MSH3: variants seen among roughly 807,000 people sequenced by gnomAD.
The protein encoded by MSH3 is DNA mismatch repair protein Msh3.
MSH3 carries 106 observed loss-of-function variants against 123.3 expected under a neutral mutation model. The observed-to-expected ratio is 0.86, with a 90% confidence interval of 0.73 to 1.01. The LOEUF is 1.01. Among genes scored for constraint, MSH3 ranks in the 50% least tolerant of loss-of-function variants. The pLI, the probability that MSH3 is intolerant of heterozygous loss-of-function variation, is 0.00. For synonymous variants in MSH3, 515 were observed against 481.4 expected (o/e 1.07, Z -0.91); for missense variants, 1,459 against 1,347.6 (o/e 1.08, Z -1.29).
chr5:80,865,245 A>G (rs753431107), intron 22 of MSH3, among the ~76,000 whole-genome samples: 1 of 152,054 alleles, frequency 6.6e-6, no homozygotes, highest in South Asian at 2.1e-4. Flanking sequence ...AGTGCCTTGT[A>G]CTCTTACATG....
intron 12 of MSH3, among the ~76,000 whole-genome samples, chr5:80,749,196 G>A (rs1446717324): frequency 6.6e-6 from 1 of 152,134 alleles, no homozygotes; most frequent in Non-Finnish European, 1.5e-5. Context: ...CACGCTGAGG[G>A]GCAAGGAAGC....
chr5:80,672,677 C>T lies in MSH3; in HGVS notation c.910-64C>T, dbSNP rs1677655. On this transcript the variant is annotated intron_variant, in intron 5 of 23. Coordinates refer to ENST00000265081, the MANE Select transcript of MSH3 (RefSeq NM_002439.5). ...TTTCAGAATTGACGTTTAAACATTTCGAAATGAGTTTTTACAAGTCATTTT... is the reference window on the plus strand; with the variant it reads ...TTTCAGAATTGACGTTTAAACATTTTGAAATGAGTTTTTACAAGTCATTTT... The T allele has an allele frequency of 0.25, 324,939 of 1,275,654 alleles. 43,504 individuals carry two copies. Among genetic ancestry groups the T allele is most frequent in the Middle Eastern group, 0.41 (2,225 of 5,384 alleles). The allele number at this position is 1,275,654 out of a possible 1,614,324, so 79.0% of individuals were successfully genotyped here.
intron 7 of MSH3, among the ~76,000 whole-genome samples, chr5:80,677,913 T>G (rs2112818252): frequency 6.6e-6 from 1 of 152,358 alleles, no homozygotes; most frequent in East Asian, 1.9e-4. Context: ...CTTTCTAGTT[T>G]ACAGTTGTAC....
At chr5:80,723,455 G>A (rs1751130683) in intron 8 of MSH3, among the ~76,000 whole-genome samples, 1 of 152,168 alleles carries the variant, frequency 6.6e-6, no homozygotes, top group African/African-American at 2.4e-5. Flanking sequence ...AAATGAAATT[G>A]TATTTATAAC....
At chr5:80,864,969 A>G in intron 22 of MSH3, 27 bp downstream of exon 22, 1 of 1,612,478 alleles carries the variant, frequency 6.2e-7, no homozygotes. Context: ...CAGTTGGTAC[A>G]AATATTGGTT....
intron 22 of MSH3, among the ~76,000 whole-genome samples, chr5:80,869,523 A>C (rs1376374102): frequency 6.6e-6 from 1 of 152,032 alleles, no homozygotes; most frequent in Non-Finnish European, 1.5e-5. Context: ...AAAGGAGTAC[A>C]TAATTACAGA....
intron 20 of MSH3, among the ~76,000 whole-genome samples, chr5:80,837,778 C>G (rs1745543115): frequency 6.6e-6 from 1 of 152,148 alleles, no homozygotes. Flanking sequence ...TGGTTCATGA[C>G]CCCAGACACA....
chr5:80,738,224 C>T (rs1416551510), intron 10 of MSH3, among the ~76,000 whole-genome samples: 1 of 151,998 alleles, frequency 6.6e-6, no homozygotes, highest in Non-Finnish European at 1.5e-5. Flanking sequence ...GGCTGTAAGC[C>T]TTCTACCCCA....
intron 16 of MSH3, among the ~76,000 whole-genome samples, chr5:80,777,142 C>T (rs1744321386): frequency 6.6e-6 from 1 of 151,814 alleles, no homozygotes; most frequent in South Asian, 2.1e-4. Context: ...TTTGGCCAGG[C>T]TGGTCTCGAA....
intron 6 of MSH3, among the ~76,000 whole-genome samples, chr5:80,674,049 A>G (rs1353560550): frequency 3.3e-5 from 5 of 152,244 alleles, no homozygotes; most frequent in African/African-American, 1.2e-4. Context: ...GGGAACAGCT[A>G]TCACTCAAAA....
intron 21 of MSH3, among the ~76,000 whole-genome samples, chr5:80,858,391 A>G (rs1029971604): frequency 6.6e-6 from 1 of 152,154 alleles, no homozygotes; most frequent in Non-Finnish European, 1.5e-5. Flanking sequence ...CGGTTCCACA[A>G]ATTTTGATAA....
rs554149413 is a variant in MSH3 at position 80,662,529 on chromosome 5, A to G, written c.359-2614A>G. ...AAATAAAATATAGGGACAAATCTCT[A>G]AAACATTTTATTTGGGGCGGGGCAC... On this transcript the variant is annotated intron_variant, in intron 2 of 23. Transcript: ENST00000265081. Among the ~76,000 whole-genome samples, 3 of 152,320 alleles carry G rather than the reference A, an allele frequency of 2.0e-5. No homozygotes were observed. In the East Asian group the frequency reaches 5.8e-4, roughly 29 times the overall value.
intron 8 of MSH3, among the ~76,000 whole-genome samples, chr5:80,703,830 T>A (rs911715308): frequency 6.6e-6 from 1 of 152,126 alleles, no homozygotes; most frequent in African/African-American, 2.4e-5. Flanking sequence ...GTTTGTTGAC[T>A]GGACGTAAAC....
intron 20 of MSH3, among the ~76,000 whole-genome samples, chr5:80,853,474 C>CAA (rs112083648): frequency 7.9e-6 from 1 of 126,284 alleles, no homozygotes; most frequent in African/African-American, 2.9e-5. Context: ...AAACCCTGTC[C>CAA]AAAAAAAAAA....
intron 19 of MSH3, among the ~76,000 whole-genome samples, chr5:80,797,429 T>C (rs1744716826): frequency 6.6e-6 from 1 of 152,206 alleles, no homozygotes. Flanking sequence ...CAAGTCTCAC[T>C]TGAAATTTTT....
chr5:80,768,705 C>T (rs941962690), intron 14 of MSH3, 130 bp from the exon 15 acceptor site: 1 of 755,406 alleles, frequency 1.3e-6, no homozygotes. Context: ...TCCATAAGTG[C>T]TTAGTGACAA....
At chr5:80,749,672 A>G (rs978867431) in intron 12 of MSH3, among the ~76,000 whole-genome samples, 1 of 152,238 alleles carries the variant, frequency 6.6e-6, no homozygotes, top group Non-Finnish European at 1.5e-5. Flanking sequence ...TGATCAAATC[A>G]AGCTAATTAA....
intron 17 of MSH3, 41 bp from the exon 18 acceptor site, chr5:80,787,524 T>G: frequency 1.6e-6 from 2 of 1,259,210 alleles, no homozygotes; most frequent in Non-Finnish European, 2.3e-6. Context: ...GTTTAAGATA[T>G]CAGTTTGCTC....
At chr5:80,732,953 G>A (rs1269367823) in intron 10 of MSH3, among the ~76,000 whole-genome samples, 1 of 152,192 alleles carries the variant, frequency 6.6e-6, no homozygotes, top group East Asian at 1.9e-4. Flanking sequence ...GTATTGCTCA[G>A]ATCAGTCTCT....
Sources: gnomAD v4.1 joint callset for allele counts (sites outside exome capture counted in the v4.1 genomes callset) on GRCh38, gnomAD v4.1.1 for gene constraint, MANE v1.5 for transcripts, NCBI Gene and HGNC (gene_info 2026-07-23, HGNC 2026-07-21) for gene names.